Variants in NRXN1 observed in about 807,000 individuals in gnomAD.
The protein encoded by NRXN1 is neurexin 1.
NRXN1 carries 39 observed loss-of-function variants against 150.9 expected under a neutral mutation model. The observed-to-expected ratio is 0.26, with a 90% CI of 0.20 to 0.34. The LOEUF (loss-of-function observed/expected upper bound fraction) is 0.34. Among genes scored for constraint, NRXN1 ranks in the 10% least tolerant of loss-of-function variants. The pLI, the probability that NRXN1 is intolerant of heterozygous loss-of-function variation, is 1.00. For missense variants in NRXN1, 1,815 were observed against 1,949.9 expected (o/e 0.93, Z 1.30); for synonymous variants, 924 against 757.0 (o/e 1.22, Z -3.62).
rs529591867 is a variant in NRXN1 at position 50,730,263 on chromosome 2, A to AT, written c.833-106649dup. 9.2e-5 allele frequency among the ~76,000 whole-genome samples: 14 copies of AT among 152,202 alleles called. No individual in the cohort carries two copies. The East Asian group carries it at 9.7e-4, about 11-fold the overall frequency. ...TTGTGAAAGATTCTTATGGTCTACT[A>AT]TTTTTTTAAATTTCCTATTGTCGGC... On this transcript the variant is annotated intron_variant, in intron 5 of 22. Coordinates refer to ENST00000401669, the MANE Select transcript of NRXN1 (RefSeq NM_001330078.2).
chr2:50,179,608 A>C (rs1399780691), intron 18 of NRXN1, among the ~76,000 whole-genome samples: 1 of 152,160 alleles, frequency 6.6e-6, no homozygotes, highest in Non-Finnish European at 1.5e-5. Context: ...GCTTTTGTGA[A>C]TTCAGTAAAG....
chr2:50,023,698 T>C (rs1243163750), intron 21 of NRXN1: 1 of 152,198 alleles, frequency 6.6e-6, no homozygotes, highest in Non-Finnish European at 1.5e-5. Flanking sequence ...TATGTGTATA[T>C]GGCTGGTCTT....
chr2:50,924,480 G>T (rs1186914703), intron 3 of NRXN1, among the ~76,000 whole-genome samples: 1 of 151,558 alleles, frequency 6.6e-6, no homozygotes, highest in Non-Finnish European at 1.5e-5. Flanking sequence ...TAAGAGAAAA[G>T]AAAAGCATTT....
chr2:50,977,819 C>T (rs1696104345), intron 2 of NRXN1, among the ~76,000 whole-genome samples: 1 of 151,742 alleles, frequency 6.6e-6, no homozygotes, highest in African/African-American at 2.4e-5. Flanking sequence ...CATAAATGAG[C>T]ATGCAAAGCA....
At chr2:50,497,818 C>T (rs1219653624) in intron 13 of NRXN1, 104 bp from the exon 14 acceptor site, 1 of 1,030,542 alleles carries the variant, frequency 9.7e-7, no homozygotes, top group Non-Finnish European at 1.4e-6. Flanking sequence ...GAGCCAAATC[C>T]CTCCTTGGTA....
At chr2:49,926,743 T>G (rs1420767925) in intron 22 of NRXN1, among the ~76,000 whole-genome samples, 1 of 152,228 alleles carries the variant, frequency 6.6e-6, no homozygotes, top group Non-Finnish European at 1.5e-5. Context: ...TATGTATTAT[T>G]TATTTATTTT....
intron 17 of NRXN1, among the ~76,000 whole-genome samples, chr2:50,370,122 T>A (rs926498818): frequency 6.6e-6 from 1 of 152,044 alleles, no homozygotes; most frequent in African/African-American, 2.4e-5. Context: ...TTGGCATGAT[T>A]TTAGTTCCCA....
intron 21 of NRXN1, among the ~76,000 whole-genome samples, chr2:50,025,193 T>C (rs1251205927): frequency 6.6e-6 from 1 of 152,182 alleles, no homozygotes; most frequent in African/African-American, 2.4e-5. Context: ...TTATGAAAGA[T>C]AATCTTTACT....
chr2:50,056,613 T>C (rs1050089776), intron 19 of NRXN1, among the ~76,000 whole-genome samples: 3 of 152,118 alleles, frequency 2.0e-5, no homozygotes, highest in African/African-American at 7.2e-5. Context: ...TCCAACCCTG[T>C]CTTCATTTTT....
At chr2:50,510,784 T>C (rs2092424525) in intron 12 of NRXN1, among the ~76,000 whole-genome samples, 1 of 152,256 alleles carries the variant, frequency 6.6e-6, no homozygotes, top group East Asian at 1.9e-4. Context: ...CATTAAAATG[T>C]GTTTTCCACA....
chr2:51,027,761 C>G lies in NRXN1; in HGVS notation c.513G>C (p.Leu171=), dbSNP rs767143936. The G allele has an allele frequency of 6.2e-7, 1 of 1,612,454 alleles. No homozygotes were observed. The stretch of plus-strand genomic sequence containing the variant: ...AGGGCTCCCGCTCCCTCACCGAGGC[C>G]AGGGTGAGCTTGAGCGCCGCGGCGC... ...ELRAAALKLT[L]ASVREREPFK... Residue 171 remains leucine, a synonymous_variant, in exon 2 of 23, where the codon CTG becomes CTC. Transcript: ENST00000401669.
intron 5 of NRXN1, among the ~76,000 whole-genome samples, chr2:50,830,657 T>C (rs1274772600): frequency 6.6e-6 from 1 of 151,142 alleles, no homozygotes; most frequent in Non-Finnish European, 1.5e-5. Context: ...GTCAGAACTT[T>C]ATGGCATTCA....
intron 19 of NRXN1, among the ~76,000 whole-genome samples, chr2:50,056,173 AC>A (rs1693578908): frequency 6.6e-6 from 1 of 152,150 alleles, no homozygotes; most frequent in South Asian, 2.1e-4. Context: ...GAATGGTAGC[AC>A]TATCTGCATA....
intron 5 of NRXN1, among the ~76,000 whole-genome samples, chr2:50,831,632 C>T (rs1340639170): frequency 6.6e-6 from 1 of 152,158 alleles, no homozygotes; most frequent in African/African-American, 2.4e-5. Context: ...CTTTAGAATA[C>T]AGTTTGAAAA....
chr2:50,986,704 T>C (rs948901879), intron 2 of NRXN1, among the ~76,000 whole-genome samples: 1 of 147,414 alleles, frequency 6.8e-6, no homozygotes, highest in Admixed American at 7.0e-5. Flanking sequence ...TATTAGCATA[T>C]AAGCTTTTTT....
intron 18 of NRXN1, among the ~76,000 whole-genome samples, chr2:50,190,887 A>G (rs1231011694): frequency 2.0e-5 from 3 of 151,876 alleles, no homozygotes; most frequent in East Asian, 3.9e-4. Context: ...TGCTGGGATT[A>G]CAGGCATGAG....
chr2:50,669,959 C>G (rs894290076), intron 5 of NRXN1, among the ~76,000 whole-genome samples: 18 of 151,652 alleles, frequency 1.2e-4, no homozygotes, highest in African/African-American at 3.1e-4. Flanking sequence ...CAAGGCTAAT[C>G]CAAAAGGAGA....
chr2:51,027,947 A>G lies in NRXN1; in HGVS notation c.327T>C (p.Val109=). 1 of 1,603,688 alleles carries G rather than the reference A, an allele frequency of 6.2e-7. No homozygotes were observed. The highest frequency in any genetic ancestry group is 1.1e-5 in the South Asian group (1 of 91,044). The change falls in exon 2 of 23, where the codon GTT becomes GTC. Residue 109 remains valine (V), a synonymous_variant. Transcript: ENST00000401669. ...EPATLLADTP[V]NDGAWHSVRI... The stretch of plus-strand genomic sequence containing the variant: ...GCACGCTGTGCCAGGCGCCGTCGTT[A>G]ACCGGCGTGTCGGCCAGGAGCGTCG...
chr2:50,669,995 C>A (rs1370041139), intron 5 of NRXN1, among the ~76,000 whole-genome samples: 1 of 151,704 alleles, frequency 6.6e-6, no homozygotes, highest in Non-Finnish European at 1.5e-5. Flanking sequence ...GTAATTCCAA[C>A]ACATAATTTT....
Sources: gnomAD v4.1 joint callset for allele counts (sites outside exome capture counted in the v4.1 genomes callset) on GRCh38, gnomAD v4.1.1 for gene constraint, MANE v1.5 for transcripts, NCBI Gene and HGNC (gene_info 2026-07-23, HGNC 2026-07-21) for gene names.